OGN: variants seen among roughly 807,000 people sequenced by gnomAD.
OGN encodes mimecan.
In OGN, 19 loss-of-function variants were observed where a neutral mutation model predicts 30.8. The observed-to-expected ratio is 0.62, with a 90% CI of 0.43 to 0.90. OGN has a LOEUF of 0.90. Ranked by LOEUF, OGN falls within the 40% of genes least tolerant of loss-of-function variation. The pLI, the probability that OGN is intolerant of heterozygous loss-of-function variation, is 0.00. For synonymous variants in OGN, 126 were observed against 128.3 expected, an observed-to-expected ratio of 0.98 and a Z score of 0.12; for missense variants, 283 against 349.7, an observed-to-expected ratio of 0.81 and a Z score of 1.52.
rs1404839160 is a variant in OGN at position 92,383,965 on chromosome 9, C to G, written c.*1655G>C. The stretch of plus-strand genomic sequence containing the variant: ...TCAATTTTTCCAAATAAAACAGAAC[C>G]CTTCTATTTAGATGGATTTTATTTT... On this transcript the variant is annotated 3_prime_UTR_variant, in exon 7 of 7. Coordinates refer to ENST00000375561, the MANE Select transcript of OGN (RefSeq NM_014057.5). 3.3e-5 allele frequency: 5 copies of G among 151,862 alleles called. No individual in the cohort carries two copies. Among genetic ancestry groups the G allele is most frequent in the Admixed American group, 3.3e-4 (5 of 15,248 alleles). The allele number at this position is 151,862 out of a possible 1,614,324, so 9.4% of individuals were successfully genotyped here. A position where few individuals can be genotyped will look rare whatever the true frequency, so the allele number is the denominator to read the frequency against.
chr9:92,403,085 A>G (rs764007053), intron 2 of OGN, 149 bp downstream of exon 2: 4 of 557,666 alleles, frequency 7.2e-6, no homozygotes, highest in African/African-American at 1.9e-5. Flanking sequence ...TAAAAATACA[A>G]TCTTAGGGAC....
At chr9:92,393,367 A>G (rs866499339) in intron 3 of OGN, 123 bp from the exon 4 acceptor site, 2 of 716,460 alleles carry the variant, frequency 2.8e-6, no homozygotes, top group Non-Finnish European at 4.4e-6. Flanking sequence ...ACAGAATCAT[A>G]AGAAAGATAG....
In OGN at chr9:92,385,712, C is replaced by T. The variant is rs1347347438; in HGVS notation, c.805G>A (p.Glu269Lys). The change falls in exon 7 of 7, where the codon GAG becomes AAG. Residue 269 changes from glutamate to lysine, a missense_variant. Transcript: ENST00000375561. ...DTSYIRDRIEEIRLEGNPIVL... is the reference protein window; with the variant it reads ...DTSYIRDRIEKIRLEGNPIVL... ...ATTGGATTGCCCTCCAGGCGTATCTCTTCAATGCGGTCCCGGATGTAACTG... is the reference window on the plus strand; with the variant it reads ...ATTGGATTGCCCTCCAGGCGTATCTTTTCAATGCGGTCCCGGATGTAACTG... 1 of 1,614,114 alleles carries T rather than the reference C, an allele frequency of 6.2e-7. No individual in the cohort carries two copies.
At position 92,385,309 on chromosome 9, in the gene OGN, G is replaced by A. The variant is rs757035251; in HGVS notation, c.*311C>T. On this transcript the variant is annotated 3_prime_UTR_variant, in exon 7 of 7. Transcript: ENST00000375561. ...ATTTATCCTCGTACTTACATCATTA[G>A]TAATAGGAATAATGCATCTCAAATT... The A allele has an allele frequency of 1.3e-4, 26 of 207,488 alleles. No individual in the cohort carries two copies. Among genetic ancestry groups the A allele is most frequent in the Non-Finnish European group, 1.2e-4 (13 of 104,248 alleles). The allele number at this position is 207,488 out of a possible 1,614,324, so 12.9% of individuals were successfully genotyped here. A position where few individuals can be genotyped will look rare whatever the true frequency, so the allele number is the denominator to read the frequency against.
At chr9:92,402,539 A>C (rs1843159436) in intron 2 of OGN, among the ~76,000 whole-genome samples, 1 of 152,180 alleles carries the variant, frequency 6.6e-6, no homozygotes, top group Non-Finnish European at 1.5e-5. Flanking sequence ...CCCAGCATTC[A>C]TTTCTGTGTG....
At chr9:92,388,884 CCTTAA>C (rs1461187952) in intron 5 of OGN, among the ~76,000 whole-genome samples, 2 of 151,286 alleles carry the variant, frequency 1.3e-5, no homozygotes, top group African/African-American at 4.9e-5. Context: ...TCTAAGAGTC[CCTTAA>C]CTTCTGAGTT....
chr9:92,383,467 T>C lies in OGN; in HGVS notation c.*2153A>G, dbSNP rs1484934977. 6.6e-6 allele frequency among the ~76,000 whole-genome samples: 1 copy of C among 152,204 alleles called. No individual in the cohort carries two copies. The highest frequency in any genetic ancestry group is 1.9e-4 in the East Asian group (1 of 5,206). ...TCCATTTATGTATGTCTTTAGTTTT[T>C]TTCAGCAATGTTAGTAAAAAGTAAA... On this transcript the variant is annotated 3_prime_UTR_variant, in exon 7 of 7. Transcript: ENST00000375561.
intron 4 of OGN, among the ~76,000 whole-genome samples, chr9:92,390,547 A>T (rs1432905352): frequency 6.7e-6 from 1 of 148,834 alleles, no homozygotes; most frequent in Non-Finnish European, 1.5e-5. Context: ...AGTGACACAG[A>T]TTGAGAGAGA....
At chr9:92,387,748 A>G (rs1842493632) in intron 5 of OGN, among the ~76,000 whole-genome samples, 1 of 152,000 alleles carries the variant, frequency 6.6e-6, no homozygotes. Flanking sequence ...ACTATAGGGC[A>G]GCTGAATTTA....
Position 92,393,254 on chromosome 9 carries a change from G to A in OGN, c.269-10C>T, listed in dbSNP as rs1274871388. 7.7e-6 allele frequency: 12 copies of A among 1,553,712 alleles called. No individual in the cohort carries two copies. The highest frequency in any genetic ancestry group is 1.3e-5 in the South Asian group (1 of 79,372). ...AGACACGTGGGCATTTCTAAATTGG[G>A]AATAAAATCATAAAAATATGAACAA... On this transcript the variant is annotated splice_polypyrimidine_tract_variant and intron_variant, in intron 3 of 6. Coordinates refer to ENST00000375561, the MANE Select transcript of OGN (RefSeq NM_014057.5).
chr9:92,389,970 GTTC>G lies in OGN; in HGVS notation c.511_513del (p.Glu171del), dbSNP rs1564292652. On this transcript the variant is annotated inframe_deletion, in exon 5 of 7. Transcript: ENST00000375561. ...AGTAGTTGATTTTCAGCAAGTGAAAGTTCTTCTAACAGAGAAAGTTTTGAAAAA... is the reference window on the plus strand; with the variant it reads ...AGTAGTTGATTTTCAGCAAGTGAAAGTTCTAACAGAGAAAGTTTTGAAAAA... 1.2e-6 allele frequency: 2 copies of G among 1,610,714 alleles called. No homozygotes were observed. Among genetic ancestry groups the G allele is most frequent in the Admixed American group, 1.7e-5 (1 of 59,976 alleles).
At chr9:92,392,549 A>T (rs946499044) in intron 4 of OGN, among the ~76,000 whole-genome samples, 4 of 151,152 alleles carry the variant, frequency 2.6e-5, no homozygotes, top group Admixed American at 6.6e-5. Flanking sequence ...TGGGAGACAG[A>T]GGTTGCAGTG....
chr9:92,396,712 G>A (rs1201583922), intron 3 of OGN, among the ~76,000 whole-genome samples: 1 of 151,790 alleles, frequency 6.6e-6, no homozygotes, highest in East Asian at 1.9e-4. Flanking sequence ...CTACAGGTTT[G>A]TGCCACCACA....
intron 3 of OGN, among the ~76,000 whole-genome samples, chr9:92,395,479 G>T (rs189208349): frequency 6.6e-6 from 1 of 152,166 alleles, no homozygotes; most frequent in Non-Finnish European, 1.5e-5. Context: ...AAATTTATGT[G>T]TAAGTTTGTG....
Position 92,403,240 on chromosome 9 carries a change from A to AT in OGN, c.167dup (p.Asn56LysfsTer3). On this transcript the variant is annotated frameshift_variant, in exon 2 of 7. Coordinates refer to ENST00000375561, the MANE Select transcript of OGN (RefSeq NM_014057.5). LOFTEE classifies it high-confidence loss of function. Reference sequence around the variant, plus strand: ...TAGAATAGAAATAAAGTACCTTAATATTTTTTCCATCCAGGTATTTATCCT... The same window carrying AT: ...TAGAATAGAAATAAAGTACCTTAATATTTTTTTCCATCCAGGTATTTATCCT... 1 of 1,562,626 alleles carries AT rather than the reference A, an allele frequency of 6.4e-7. No individual in the cohort carries two copies. Among genetic ancestry groups the AT allele is most frequent in the South Asian group, 1.2e-5 (1 of 86,266 alleles).
chr9:92,396,860 A>G (rs778867367), intron 3 of OGN, among the ~76,000 whole-genome samples: 7 of 152,010 alleles, frequency 4.6e-5, no homozygotes, highest in Non-Finnish European at 8.8e-5. Context: ...TTTCTTTTAT[A>G]TATTTTGATG....
intron 6 of OGN, 136 bp downstream of exon 6, chr9:92,386,065 A>G (rs946037055): frequency 1.0e-5 from 7 of 679,422 alleles, no homozygotes; most frequent in Non-Finnish European, 1.8e-5. Flanking sequence ...TCTTTTTGAT[A>G]GGCAGACATT....
rs748135165 is a variant in OGN, at chr9:92,403,295, A to G, written c.113T>C (p.Phe38Ser). 6.2e-7 allele frequency: 1 copy of G among 1,611,624 alleles called. No homozygotes were observed. Among genetic ancestry groups the G allele is most frequent in the Admixed American group, 1.7e-5 (1 of 59,942 alleles). The stretch of plus-strand genomic sequence containing the variant: ...ATCTTGGCTAAATATGGATTCTTCA[A>G]AATTATCTGTTCCATAATCATAGAT... ...RIIYDYGTDN[F>S]EESIFSQDYE... Residue 38 changes from phenylalanine (F) to serine (S), a missense_variant, in exon 2 of 7, where the codon TTT becomes TCT. By Grantham distance (155) the Phe-to-Ser change is radical (BLOSUM62 -2). Transcript: ENST00000375561.
intron 3 of OGN, among the ~76,000 whole-genome samples, chr9:92,396,737 G>A (rs1050492281): frequency 1.3e-5 from 2 of 151,492 alleles, no homozygotes; most frequent in Non-Finnish European, 2.9e-5. Context: ...GCTTTTTCTT[G>A]GTTAAATTTT....
Sources: allele counts gnomAD v4.1 joint callset (sites outside exome capture counted in the v4.1 genomes callset), GRCh38; gene constraint gnomAD v4.1.1; transcripts MANE v1.5; gene names NCBI Gene and HGNC (gene_info 2026-07-23, HGNC 2026-07-21).